Variants in APPBP2 observed in about 807,000 individuals in gnomAD.
The protein encoded by APPBP2 is amyloid beta precursor protein binding protein 2.
APPBP2 carries 15 observed loss-of-function variants against 76.0 expected under a neutral mutation model. The observed-to-expected ratio is 0.20, with a 90% CI of 0.13 to 0.30. The LOEUF is 0.30. Among genes scored for constraint, APPBP2 ranks in the 10% least tolerant of loss-of-function variants. The pLI is 1.00. For synonymous variants in APPBP2, 222 were observed against 242.2 expected (o/e 0.92, Z 0.77); for missense variants, 401 against 687.2 (o/e 0.58, Z 4.66).
chr17:60,466,190 TA>T, intron 5 of APPBP2, 100 bp downstream of exon 5: 1 of 1,187,168 alleles, frequency 8.4e-7, no homozygotes, highest in Non-Finnish European at 1.2e-6. Context: ...ACCTAATATG[TA>T]AAAGAGATCT....
intron 4 of APPBP2, among the ~76,000 whole-genome samples, chr17:60,478,492 C>A (rs1048689042): frequency 1.3e-5 from 2 of 152,186 alleles, no homozygotes; most frequent in Admixed American, 6.5e-5. Flanking sequence ...ACAAAAGTAA[C>A]ACCAAAGAAA....
intron 4 of APPBP2, among the ~76,000 whole-genome samples, chr17:60,471,566 C>T (rs1309632542): frequency 6.7e-6 from 1 of 150,300 alleles, no homozygotes; most frequent in Non-Finnish European, 1.5e-5. Context: ...TCTGTGTCAA[C>T]TGAGATAACT....
chr17:60,448,231 T>G (rs2090365572), intron 12 of APPBP2, among the ~76,000 whole-genome samples: 1 of 152,098 alleles, frequency 6.6e-6, no homozygotes, highest in Admixed American at 6.5e-5. Context: ...TCACCTGAGG[T>G]CAAGAGTTTG....
chr17:60,498,839 G>A (rs1238713703), intron 2 of APPBP2, among the ~76,000 whole-genome samples: 1 of 151,892 alleles, frequency 6.6e-6, no homozygotes, highest in African/African-American at 2.4e-5. Context: ...AATAATACCA[G>A]GTATATGGAA....
Position 60,466,259 on chromosome 17 carries a change from G to T in APPBP2, c.672+32C>A, listed in dbSNP as rs771127405. 4.4e-6 allele frequency: 7 copies of T among 1,584,614 alleles called. No homozygotes were observed. In the South Asian group the frequency reaches 7.9e-5, roughly 18 times the overall value. Reference sequence around the variant, plus strand: ...CCCTCTGTTTTTATAGGTACTTATTGGTCACAGTGAAATGTACCTTAAAAC... The same window carrying T: ...CCCTCTGTTTTTATAGGTACTTATTTGTCACAGTGAAATGTACCTTAAAAC... On this transcript the variant is annotated intron_variant, in intron 5 of 12. Transcript: ENST00000083182.
chr17:60,498,183 A>AC (rs1478889265), intron 2 of APPBP2, among the ~76,000 whole-genome samples: 1 of 152,084 alleles, frequency 6.6e-6, no homozygotes, highest in African/African-American at 2.4e-5. Flanking sequence ...AGCTACTACT[A>AC]CTACATGATG....
intron 2 of APPBP2, among the ~76,000 whole-genome samples, chr17:60,499,614 C>T (rs1164081096): frequency 6.6e-6 from 1 of 152,178 alleles, no homozygotes; most frequent in African/African-American, 2.4e-5. Flanking sequence ...TTTCTACGCT[C>T]ATGTTCACAG....
In APPBP2 at chr17:60,482,636, C is replaced by T. The variant is rs576822854; in HGVS notation, c.380-3365G>A. ...TGTGTGAGGTTCCCTGCCCTGTGTC[C>T]AAGTGTTCTCATTGTTCAATTCCCA... On this transcript the variant is annotated intron_variant, in intron 3 of 12. Coordinates refer to ENST00000083182, the MANE Select transcript of APPBP2 (RefSeq NM_006380.5). 5.5e-3 allele frequency among the ~76,000 whole-genome samples: 834 copies of T among 152,252 alleles called. 7 individuals are homozygous for T. Among genetic ancestry groups the T allele is most frequent in the African/African-American group, 0.019 (799 of 41,542 alleles).
chr17:60,515,496 A>ATTT (rs1172229334), intron 1 of APPBP2, among the ~76,000 whole-genome samples: 1 of 152,184 alleles, frequency 6.6e-6, no homozygotes, highest in African/African-American at 2.4e-5. Flanking sequence ...AGCTTGATAA[A>ATTT]TTTTTCACTT....
intron 1 of APPBP2, among the ~76,000 whole-genome samples, chr17:60,523,248 T>G (rs2091024981): frequency 1.3e-5 from 2 of 152,054 alleles, no homozygotes; most frequent in South Asian, 4.1e-4. Context: ...GGGGTGAGTA[T>G]CTTATATTTA....
At chr17:60,522,342 A>G (rs1469433450) in intron 1 of APPBP2, among the ~76,000 whole-genome samples, 1 of 152,060 alleles carries the variant, frequency 6.6e-6, no homozygotes, top group Admixed American at 6.6e-5. Flanking sequence ...TTTTGTTTTG[A>G]GATAGGATCT....
intron 3 of APPBP2, among the ~76,000 whole-genome samples, chr17:60,485,396 T>G (rs532006371): frequency 2.6e-5 from 4 of 152,226 alleles, no homozygotes; most frequent in Non-Finnish European, 5.9e-5. Flanking sequence ...TATTGGTCTA[T>G]TCAGAGATTC....
At chr17:60,482,543 T>C (rs2090638338) in intron 3 of APPBP2, among the ~76,000 whole-genome samples, 2 of 152,222 alleles carry the variant, frequency 1.3e-5, no homozygotes, top group Admixed American at 6.5e-5. Flanking sequence ...CATCAACTCG[T>C]CATTTACATT....
intron 11 of APPBP2, among the ~76,000 whole-genome samples, chr17:60,453,050 A>G (rs2143291260): frequency 6.6e-6 from 1 of 152,352 alleles, no homozygotes; most frequent in East Asian, 1.9e-4. Context: ...GCCATGTGCC[A>G]GGCATTCTGC....
intron 3 of APPBP2, among the ~76,000 whole-genome samples, chr17:60,489,598 G>A (rs1210136596): frequency 1.4e-5 from 2 of 142,106 alleles, no homozygotes; most frequent in Non-Finnish European, 3.0e-5. Context: ...GCGACAGAGT[G>A]GGACCATGTC....
In APPBP2 at chr17:60,526,136, G is replaced by T. The variant is rs1426906773; in HGVS notation, c.-205C>A. On this transcript the variant is annotated 5_prime_UTR_variant, in exon 1 of 13. Transcript: ENST00000083182. ...CGGACGCAGGCCCGAGTAAAAAGTG[G>T]GACAGAAAACAGCGGCCAGCCAGGC... The T allele has an allele frequency of 6.9e-6, 4 of 580,934 alleles. No individual in the cohort carries two copies. The highest frequency in any genetic ancestry group is 1.2e-5 in the Non-Finnish European group (4 of 326,870). 36.0% of individuals were successfully genotyped at this position (580,934 alleles called of 1,614,324 possible).
chr17:60,449,286 G>A (rs1250705454), intron 12 of APPBP2, among the ~76,000 whole-genome samples: 1 of 148,654 alleles, frequency 6.7e-6, no homozygotes, highest in African/African-American at 2.6e-5. Context: ...ACACAGTATA[G>A]CAGAGGGAAA....
chr17:60,490,177 CAAAT>C (rs1002695720), intron 3 of APPBP2, among the ~76,000 whole-genome samples: 6 of 152,152 alleles, frequency 3.9e-5, no homozygotes, highest in African/African-American at 1.2e-4. Context: ...CACATACAAA[CAAAT>C]GAGTGCACGT....
In APPBP2 at chr17:60,446,296, C is replaced by T. The variant is rs1045177600; in HGVS notation, c.*1285G>A. ...CACAAATTCTTAAATTTGATTATTA[C>T]CTCATCATTAAATAACCTGACTGGC... On this transcript the variant is annotated 3_prime_UTR_variant, in exon 13 of 13. Transcript: ENST00000083182. The T allele has an allele frequency of 4.6e-5, 7 of 152,556 alleles. No homozygotes were observed. Among genetic ancestry groups the T allele is most frequent in the African/African-American group, 1.4e-4 (6 of 41,434 alleles). The allele number at this position is 152,556 out of a possible 1,614,324, so 9.5% of individuals were successfully genotyped here. A position where few individuals can be genotyped will look rare whatever the true frequency, so the allele number is the denominator to read the frequency against.
Sources: gnomAD v4.1 joint callset for allele counts (sites outside exome capture counted in the v4.1 genomes callset) on GRCh38, gnomAD v4.1.1 for gene constraint, MANE v1.5 for transcripts, NCBI Gene and HGNC (gene_info 2026-07-23, HGNC 2026-07-21) for gene names.